SLC2A13: variants seen among roughly 807,000 people sequenced by gnomAD.
SLC2A13 encodes the protein solute carrier family 2 member 13.
In SLC2A13, 32 loss-of-function variants were observed where a neutral mutation model predicts 64.4. The observed-to-expected ratio is 0.50, with a 90% CI of 0.37 to 0.67. SLC2A13 has a LOEUF of 0.67. Ranked by LOEUF, SLC2A13 falls within the 30% of genes least tolerant of loss-of-function variation. The pLI is 0.00. For missense variants in SLC2A13, 743 were observed against 829.2 expected, an observed-to-expected ratio of 0.90 and a Z score of 1.28; for synonymous variants, 338 against 327.1, an observed-to-expected ratio of 1.03 and a Z score of -0.36.
chr12:39,937,198 T>C (rs1183246483), intron 4 of SLC2A13, among the ~76,000 whole-genome samples: 1 of 152,220 alleles, frequency 6.6e-6, no homozygotes, highest in African/African-American at 2.4e-5. Flanking sequence ...CTTTTGTGGC[T>C]GGCACTTTGC....
chr12:39,938,125 T>C (rs936556830), intron 4 of SLC2A13, among the ~76,000 whole-genome samples: 2 of 152,164 alleles, frequency 1.3e-5, no homozygotes, highest in Non-Finnish European at 2.9e-5. Flanking sequence ...CTTTATAAAC[T>C]GCAGTACACA....
chr12:40,099,543 G>A (rs115051802), intron 1 of SLC2A13, among the ~76,000 whole-genome samples: 2,083 of 152,244 alleles, frequency 0.014, 46 homozygotes, highest in African/African-American at 0.046. Context: ...ATCCATAAGA[G>A]GGCAAAATGG....
chr12:39,821,224 T>G (rs919294186), intron 7 of SLC2A13, among the ~76,000 whole-genome samples: 1 of 152,026 alleles, frequency 6.6e-6, no homozygotes. Flanking sequence ...CCATCCTGGC[T>G]AACACGGTGA....
intron 4 of SLC2A13, chr12:39,949,823 AT>A (rs1238652301): frequency 1.3e-5 from 2 of 152,230 alleles, no homozygotes; most frequent in Non-Finnish European, 2.9e-5. Flanking sequence ...GGATTTAATT[AT>A]TTGATGCTTG....
chr12:40,058,935 C>T (rs1948375624), intron 1 of SLC2A13, among the ~76,000 whole-genome samples: 1 of 152,096 alleles, frequency 6.6e-6, no homozygotes. Flanking sequence ...AAAATAAACC[C>T]ATGTATTACT....
intron 4 of SLC2A13, among the ~76,000 whole-genome samples, chr12:39,880,307 A>G (rs1303024403): frequency 6.6e-6 from 1 of 152,212 alleles, no homozygotes; most frequent in African/African-American, 2.4e-5. Context: ...GCTTTAATAG[A>G]AAAATGTTTT....
At chr12:39,878,651 G>A (rs1406135696) in intron 4 of SLC2A13, among the ~76,000 whole-genome samples, 2 of 152,178 alleles carry the variant, frequency 1.3e-5, no homozygotes, top group African/African-American at 4.8e-5. Context: ...AGGGAGAAAA[G>A]GAATTACTTA....
chr12:39,959,664 C>A (rs1946375458), intron 3 of SLC2A13, among the ~76,000 whole-genome samples: 1 of 152,180 alleles, frequency 6.6e-6, no homozygotes, highest in African/African-American at 2.4e-5. Context: ...CATTCCTCAG[C>A]AATTCTCAAC....
chr12:39,952,310 C>A (rs1289578600), intron 3 of SLC2A13, among the ~76,000 whole-genome samples: 1 of 152,116 alleles, frequency 6.6e-6, no homozygotes, highest in Admixed American at 6.6e-5. Flanking sequence ...CTATGGTATT[C>A]CCGCTGTTAG....
intron 3 of SLC2A13, among the ~76,000 whole-genome samples, chr12:39,995,638 C>T (rs1947214657): frequency 6.6e-6 from 1 of 152,142 alleles, no homozygotes; most frequent in African/African-American, 2.4e-5. Context: ...TTGTCTTTTC[C>T]ATACCAAATG....
At chr12:39,829,794 C>T in intron 7 of SLC2A13, 2 of 329,120 alleles carry the variant, frequency 6.1e-6, no homozygotes, top group South Asian at 3.4e-5. Context: ...TGCAATTAAA[C>T]AATATGCAGT....
intron 5 of SLC2A13, among the ~76,000 whole-genome samples, chr12:39,865,641 G>A (rs1291448404): frequency 6.6e-6 from 1 of 152,116 alleles, no homozygotes; most frequent in African/African-American, 2.4e-5. Context: ...GAGGGTAAAC[G>A]AAAAGGGTCA....
In SLC2A13 at chr12:40,009,189, C is replaced by T. The variant is rs575455275; in HGVS notation, c.925+19112G>A. On this transcript the variant is annotated intron_variant, in intron 3 of 9. Coordinates refer to ENST00000280871, the MANE Select transcript of SLC2A13 (RefSeq NM_052885.4). ...CAGAGAGGTATAAAATGCGTGGGAT[C>T]GATGTGATGGGCAAAGAGGAATTTA... Among the ~76,000 whole-genome samples the T allele has an allele frequency of 1.2e-4, 18 of 152,176 alleles. No homozygotes were observed. The South Asian group carries it at 2.9e-3, about 25-fold the overall frequency.
At chr12:40,023,160 GTA>G (rs1947751265) in intron 3 of SLC2A13, among the ~76,000 whole-genome samples, 1 of 152,178 alleles carries the variant, frequency 6.6e-6, no homozygotes, top group African/African-American at 2.4e-5. Context: ...ACCACCATCT[GTA>G]TGTTTCTCTA....
At chr12:39,779,101 G>C (rs1362132527) in intron 7 of SLC2A13, among the ~76,000 whole-genome samples, 2 of 152,198 alleles carry the variant, frequency 1.3e-5, no homozygotes, top group African/African-American at 4.8e-5. Flanking sequence ...GCTGGCATAA[G>C]TTGGATCTCA....
intron 1 of SLC2A13, among the ~76,000 whole-genome samples, chr12:40,055,917 A>G (rs1948326097): frequency 6.6e-6 from 1 of 151,868 alleles, no homozygotes; most frequent in Non-Finnish European, 1.5e-5. Flanking sequence ...TAGGAGACCA[A>G]CTGAGTGGAA....
At chr12:39,917,724 T>C (rs1485738181) in intron 4 of SLC2A13, among the ~76,000 whole-genome samples, 2 of 152,022 alleles carry the variant, frequency 1.3e-5, no homozygotes, top group Admixed American at 6.6e-5. Context: ...GACTCCTGGG[T>C]TTCCTGCTTT....
chr12:39,948,350 TA>T (rs764470733), intron 4 of SLC2A13, among the ~76,000 whole-genome samples: 3 of 152,112 alleles, frequency 2.0e-5, no homozygotes, highest in Non-Finnish European at 4.4e-5. Context: ...TATATATCTA[TA>T]TATATGATAT....
chr12:40,051,336 A>G (rs890125328), intron 1 of SLC2A13, among the ~76,000 whole-genome samples: 12 of 152,298 alleles, frequency 7.9e-5, no homozygotes, highest in African/African-American at 2.9e-4. Flanking sequence ...GAGGCGGAAT[A>G]TGTGTGCAGA....
Sources: gnomAD v4.1 joint callset for allele counts (sites outside exome capture counted in the v4.1 genomes callset) on GRCh38, gnomAD v4.1.1 for gene constraint, MANE v1.5 for transcripts, NCBI Gene and HGNC (gene_info 2026-07-23, HGNC 2026-07-21) for gene names.